Variants in RIC8B observed in about 807,000 individuals in gnomAD.
The protein encoded by RIC8B is chaperone Ric-8B.
A neutral mutation model predicts 57.5 loss-of-function variants in RIC8B; 16 were observed. The observed-to-expected ratio is 0.28, with a 90% CI of 0.19 to 0.42. RIC8B has a LOEUF of 0.42. Ranked by LOEUF, RIC8B falls within the 10% of genes least tolerant of loss-of-function variation. RIC8B has a pLI of 1.00. For synonymous variants in RIC8B, 216 were observed against 250.8 expected (o/e 0.86, Z 1.31); for missense variants, 481 against 677.0 (o/e 0.71, Z 3.21).
chr12:106,856,139 ACAC>A (rs1949707850), intron 7 of RIC8B, among the ~76,000 whole-genome samples: 2 of 152,048 alleles, frequency 1.3e-5, no homozygotes, highest in Admixed American at 6.6e-5. Flanking sequence ...TTCTGTTCCC[ACAC>A]CACCATCTTA....
At chr12:106,854,363 G>A (rs775141405) in intron 7 of RIC8B, among the ~76,000 whole-genome samples, 78 of 152,090 alleles carry the variant, frequency 5.1e-4, no homozygotes, top group Non-Finnish European at 9.1e-4. Flanking sequence ...TTTTCAGAAT[G>A]TCTGAACTGT....
At chr12:106,818,953 A>T (rs2136301922) in intron 3 of RIC8B, among the ~76,000 whole-genome samples, 5 of 151,970 alleles carry the variant, frequency 3.3e-5, no homozygotes, top group Middle Eastern at 3.4e-3. Context: ...TTTAGTAGAG[A>T]TGGGGTGTCT....
chr12:106,777,677 T>C (rs953636712), intron 1 of RIC8B, among the ~76,000 whole-genome samples: 13 of 152,242 alleles, frequency 8.5e-5, no homozygotes, highest in Non-Finnish European at 1.8e-4. Context: ...AAATCCCAAC[T>C]CTGCCATTTA....
intron 6 of RIC8B, among the ~76,000 whole-genome samples, chr12:106,850,621 G>A (rs570932539): frequency 1.3e-5 from 2 of 152,252 alleles, no homozygotes; most frequent in East Asian, 1.9e-4. Flanking sequence ...ACAAAACAGG[G>A]ATGAGAGTGA....
At chr12:106,776,643 G>C (rs1444262153) in intron 1 of RIC8B, among the ~76,000 whole-genome samples, 1 of 152,058 alleles carries the variant, frequency 6.6e-6, no homozygotes, top group Non-Finnish European at 1.5e-5. Flanking sequence ...CTCCAGATTG[G>C]TATCTACTTA....
chr12:106,851,554 A>G lies in RIC8B; in HGVS notation c.1266A>G (p.Gln422=). 6.2e-7 allele frequency: 1 copy of G among 1,613,082 alleles called. No individual in the cohort carries two copies. The highest frequency in any genetic ancestry group is 8.5e-7 in the Non-Finnish European group (1 of 1,179,940). Residue 422 remains glutamine, a synonymous_variant, in exon 7 of 10, where the codon CAA becomes CAG. Transcript: ENST00000392837. ...CACATGTTGACCTTGGAGTCAAGCA[A>G]ATTGCTGCTGAATTCCTTTTTGTCC... The part of the protein sequence containing the change: ...LMTHVDLGVK[Q]IAAEFLFVLC...
At chr12:106,781,484 A>G (rs1025643058) in intron 1 of RIC8B, among the ~76,000 whole-genome samples, 7 of 152,246 alleles carry the variant, frequency 4.6e-5, no homozygotes, top group Non-Finnish European at 7.3e-5. Flanking sequence ...ATAGAAGCCA[A>G]CATCTATTGG....
At chr12:106,871,947 G>A (rs1487718380) in intron 9 of RIC8B, among the ~76,000 whole-genome samples, 1 of 152,216 alleles carries the variant, frequency 6.6e-6, no homozygotes. Flanking sequence ...CATGGGGAGT[G>A]TGACAAGTAT....
In RIC8B at chr12:106,879,636, C is replaced by A; in HGVS notation, c.1572-6268C>A. 1.0e-6 allele frequency: 1 copy of A among 985,348 alleles called. No individual in the cohort carries two copies. The highest frequency in any genetic ancestry group is 1.7e-5 in the African/African-American group (1 of 57,336). 61.0% of individuals were successfully genotyped at this position (985,348 alleles called of 1,614,324 possible). A position where few individuals can be genotyped will look rare whatever the true frequency, so the allele number is the denominator to read the frequency against. On this transcript the variant is annotated intron_variant, in intron 9 of 9. Transcript: ENST00000392837. The surrounding 1 kb of genome is among the most constrained non-coding windows in gnomAD (Gnocchi z 4.9). ...TTTTTTTGGTTTCCATTAGCAGTCCCAAGGGTTAGGCTGGGGCAAAATAGG... is the reference window on the plus strand; with the variant it reads ...TTTTTTTGGTTTCCATTAGCAGTCCAAAGGGTTAGGCTGGGGCAAAATAGG...
chr12:106,825,648 A>C, intron 3 of RIC8B, 78 bp from the exon 4 acceptor site: 78 of 996,498 alleles, frequency 7.8e-5, no homozygotes, highest in Non-Finnish European at 1.1e-4. Flanking sequence ...GGGGTGGGCA[A>C]GAGATGTAGT....
chr12:106,778,749 GA>G (rs1566023263), intron 1 of RIC8B, among the ~76,000 whole-genome samples: 1 of 152,140 alleles, frequency 6.6e-6, no homozygotes, highest in East Asian at 1.9e-4. Context: ...TTTGAGCACA[GA>G]AAAAGTTTCT....
At chr12:106,866,462 TC>T (rs150951266) in intron 8 of RIC8B, among the ~76,000 whole-genome samples, 6,615 of 152,228 alleles carry the variant, frequency 0.043, 460 homozygotes, top group African/African-American at 0.15. Context: ...TCTGGGTTTT[TC>T]CCCCTGGAAA....
intron 2 of RIC8B, among the ~76,000 whole-genome samples, chr12:106,810,594 C>T (rs1001084624): frequency 6.6e-6 from 1 of 151,762 alleles, no homozygotes; most frequent in Admixed American, 6.6e-5. Context: ...GCTTAGCCTT[C>T]GAGAATTGCT....
chr12:106,844,088 A>T, intron 6 of RIC8B, 141 bp downstream of exon 6: 1 of 669,296 alleles, frequency 1.5e-6, no homozygotes, highest in South Asian at 1.9e-5. Context: ...TTCTTAATCA[A>T]GAAGTGTGTA....
At chr12:106,780,375 C>T (rs537525056) in intron 1 of RIC8B, among the ~76,000 whole-genome samples, 26 of 152,106 alleles carry the variant, frequency 1.7e-4, no homozygotes, top group Non-Finnish European at 3.1e-4. Context: ...AGTAGTAGTC[C>T]TCTTAGGAGA....
At chr12:106,881,626 C>A (rs1950938657) in intron 9 of RIC8B, among the ~76,000 whole-genome samples, 1 of 152,114 alleles carries the variant, frequency 6.6e-6, no homozygotes, top group Non-Finnish European at 1.5e-5. Context: ...GCTTCCCATT[C>A]TCTGTCCACA....
intron 3 of RIC8B, among the ~76,000 whole-genome samples, chr12:106,816,552 A>G (rs540414042): frequency 7.9e-5 from 12 of 152,224 alleles, no homozygotes; most frequent in East Asian, 3.9e-4. Context: ...GGTACCTTCT[A>G]TGGTTATTTT....
rs141631229 is a variant in RIC8B at position 106,851,461 on chromosome 12, G to A, written c.1173G>A (p.Pro391=). The change falls in exon 7 of 10, where the codon CCG becomes CCA. Residue 391 remains proline (P), a synonymous_variant. Transcript: ENST00000392837. Reference sequence around the variant, plus strand: ...ATTTGTGCCATCAGGTTTTACCACCGTTGAGGGATGTGACAAATCGACCTG... The same window carrying A: ...ATTTGTGCCATCAGGTTTTACCACCATTGAGGGATGTGACAAATCGACCTG... ...RKFLKDQVLP[P]LRDVTNRPEV... is the part of the protein sequence containing the mutation. 7.7e-4 allele frequency: 1,247 copies of A among 1,613,496 alleles called. 3 individuals are homozygous for A. Among genetic ancestry groups the A allele is most frequent in the South Asian group, 1.7e-3 (154 of 91,054 alleles).
rs763991537 is a variant in RIC8B at position 106,856,204 on chromosome 12, ATC to A, written c.1307-4058_1307-4057del. On this transcript the variant is annotated intron_variant, in intron 7 of 9. Transcript: ENST00000392837. Reference sequence around the variant, plus strand: ...TATTAATAAGCTATTAAAATATCTCATCTCTCTGTTTCTAGTCAGATTTTCTT... The same window carrying A: ...TATTAATAAGCTATTAAAATATCTCATCTCTGTTTCTAGTCAGATTTTCTT... Among the ~76,000 whole-genome samples, 3 of 152,250 alleles carry A rather than the reference ATC, an allele frequency of 2.0e-5. No individual in the cohort carries two copies. The South Asian group carries it at 6.2e-4, about 32-fold the overall frequency.
Sources: allele counts gnomAD v4.1 joint callset (sites outside exome capture counted in the v4.1 genomes callset), GRCh38; gene constraint gnomAD v4.1.1; non-coding constraint Gnocchi (gnomAD v3.1); transcripts MANE v1.5; gene names NCBI Gene and HGNC (gene_info 2026-07-23, HGNC 2026-07-21).